WRN: variants seen among roughly 807,000 people sequenced by gnomAD.
The protein encoded by WRN is WRN RecQ like helicase, also known as bifunctional 3'-5' exonuclease/ATP-dependent helicase WRN.
WRN carries 149 observed loss-of-function variants against 180.7 expected under a neutral mutation model. That is an observed-to-expected ratio of 0.82 (90% CI 0.72 to 0.94). The LOEUF is 0.94. Among genes scored for constraint, WRN ranks in the 40% least tolerant of loss-of-function variants. The probability of loss-of-function intolerance (pLI) is 0.00; values close to 1 mark genes in which losing one functional copy is unlikely to be tolerated. For synonymous variants in WRN, 548 were observed against 568.9 expected (o/e 0.96, Z 0.52); for missense variants, 1,661 against 1,700.1 (o/e 0.98, Z 0.40).
At chr8:31,110,277 TTGCTAGGCAGGCACTGTAAA>T (rs1801260859) in intron 18 of WRN, among the ~76,000 whole-genome samples, 2 of 152,160 alleles carry the variant, frequency 1.3e-5, no homozygotes, top group Admixed American at 1.3e-4. Flanking sequence ...CATCTTTAAG[TTGCTAGGCAGGCACTGTAAA>T]TTCAGAGAAC....
At chr8:31,081,663 C>T (rs1175779049) in intron 9 of WRN, among the ~76,000 whole-genome samples, 3 of 152,060 alleles carry the variant, frequency 2.0e-5, no homozygotes, top group Non-Finnish European at 2.9e-5. Context: ...TAATAGATGT[C>T]TCTGCTTTTT....
intron 32 of WRN, among the ~76,000 whole-genome samples, chr8:31,155,733 A>G (rs549779066): frequency 1.4e-4 from 21 of 151,776 alleles, no homozygotes; most frequent in Middle Eastern, 3.5e-3. Flanking sequence ...TTTTAATGGG[A>G]TGGGACAAAA....
chr8:31,112,973 A>G (rs1009971063), intron 19 of WRN, among the ~76,000 whole-genome samples: 3 of 151,848 alleles, frequency 2.0e-5, no homozygotes, highest in African/African-American at 7.3e-5. Flanking sequence ...TGGGAGGCAG[A>G]CGTTGGAGAA....
chr8:31,132,315 A>T, intron 23 of WRN, 50 bp from the exon 24 acceptor site: 1 of 1,588,376 alleles, frequency 6.3e-7, no homozygotes, highest in Non-Finnish European at 8.6e-7. Flanking sequence ...TGATTTCTAA[A>T]GATACATGCC....
At chr8:31,141,365 G>C (rs1802620266) in intron 24 of WRN, 65 bp from the exon 25 acceptor site, 2 of 1,401,120 alleles carry the variant, frequency 1.4e-6, no homozygotes, top group Admixed American at 3.6e-5. Flanking sequence ...AGACAAGTCT[G>C]TGTTTTACTT....
intron 28 of WRN, among the ~76,000 whole-genome samples, chr8:31,145,627 CT>C (rs891435443): frequency 9.2e-5 from 14 of 152,094 alleles, no homozygotes; most frequent in Admixed American, 9.2e-4. Context: ...GTAAATTAAC[CT>C]TTTAAGTATT....
In WRN at chr8:31,167,355, C is replaced by T. The variant is rs76319024; in HGVS notation, c.4191+125C>T. 18 of 814,868 alleles carry T rather than the reference C, an allele frequency of 2.2e-5. No homozygotes were observed. In the African/African-American group the frequency reaches 2.8e-4, roughly 13 times the overall value. The allele number at this position is 814,868 out of a possible 1,614,324, so 50.5% of individuals were successfully genotyped here. ...ATATGATTACTTTCTCTATGTGCTA[C>T]ATTTCCTTTGCTTTTCATAAATATG... On this transcript the variant is annotated intron_variant, in intron 34 of 34. Transcript: ENST00000298139.
rs756050193 is a variant in WRN, at chr8:31,067,141, C to G, written c.613C>G (p.Leu205Val). Residue 205 changes from leucine (L) to valine (V), a missense_variant, in exon 6 of 35, where the codon CTC (leucine) becomes GTC (valine). By Grantham distance (32) the Leu-to-Val change is conservative. Transcript: ENST00000298139. ...CTGTAGCAATTGGAGTAAATTTCCT[C>G]TCACTGAGGACCAGAAACTGTATGC... ...IRCSNWSKFP[L>V]TEDQKLYAAT... The G allele has an allele frequency of 1.4e-5, 23 of 1,613,774 alleles. No homozygotes were observed. Among genetic ancestry groups the G allele is most frequent in the Non-Finnish European group, 1.9e-5 (23 of 1,179,970 alleles).
intron 23 of WRN, among the ~76,000 whole-genome samples, chr8:31,130,008 AAAAAAACAAAACAAAAC>A (rs1208815086): frequency 6.4e-4 from 72 of 112,682 alleles, no homozygotes; most frequent in African/African-American, 2.3e-3. Context: ...TTGTCTCAAA[AAAAAAACAAAACAAAAC>A]AAAAAAAAAA....
At chr8:31,164,230 A>T (rs1231893534) in intron 33 of WRN, among the ~76,000 whole-genome samples, 2 of 152,154 alleles carry the variant, frequency 1.3e-5, no homozygotes, top group African/African-American at 4.8e-5. Context: ...TTTTCTTTAT[A>T]AAATACTTTT....
At chr8:31,129,006 T>C (rs1353785302) in intron 23 of WRN, among the ~76,000 whole-genome samples, 1 of 152,198 alleles carries the variant, frequency 6.6e-6, no homozygotes, top group East Asian at 1.9e-4. Context: ...ATAGGGTCAC[T>C]ACAGGCTGTC....
intron 30 of WRN, among the ~76,000 whole-genome samples, chr8:31,148,012 C>T (rs1455626799): frequency 1.3e-5 from 2 of 151,732 alleles, no homozygotes; most frequent in African/African-American, 2.4e-5. Context: ...CTCAGCCTCC[C>T]GAGTAGCTGG....
At chr8:31,158,079 C>T (rs1406035198) in intron 33 of WRN, among the ~76,000 whole-genome samples, 1 of 152,116 alleles carries the variant, frequency 6.6e-6, no homozygotes, top group Non-Finnish European at 1.5e-5. Flanking sequence ...TACAACTTCC[C>T]CACCATCCAA....
At chr8:31,135,831 CT>C (rs1802377768) in intron 24 of WRN, among the ~76,000 whole-genome samples, 1 of 144,206 alleles carries the variant, frequency 6.9e-6, no homozygotes, top group Non-Finnish European at 1.5e-5. Flanking sequence ...TCTTCTTTTT[CT>C]TTTTTCTTTT....
intron 21 of WRN, among the ~76,000 whole-genome samples, chr8:31,123,545 G>C (rs1304045721): frequency 1.3e-5 from 2 of 151,998 alleles, no homozygotes; most frequent in South Asian, 4.1e-4. Flanking sequence ...TTTGAATAAC[G>C]GATCATTTGT....
chr8:31,101,180 A>C (rs901247067), intron 18 of WRN, among the ~76,000 whole-genome samples: 2 of 152,202 alleles, frequency 1.3e-5, no homozygotes, highest in African/African-American at 4.8e-5. Flanking sequence ...GATAATAAAT[A>C]TTTCAAGCTT....
At chr8:31,098,728 C>T (rs535724410) in intron 17 of WRN, among the ~76,000 whole-genome samples, 1 of 152,252 alleles carries the variant, frequency 6.6e-6, no homozygotes, top group South Asian at 2.1e-4. Context: ...GGATTTTTAA[C>T]AGAAACAGCA....
intron 31 of WRN, among the ~76,000 whole-genome samples, chr8:31,153,486 G>C (rs1803223685): frequency 6.6e-6 from 1 of 151,900 alleles, no homozygotes; most frequent in Admixed American, 6.6e-5. Context: ...GTAACACCTG[G>C]GACTGTTTTA....
At chr8:31,120,528 A>G in intron 21 of WRN, 104 bp downstream of exon 21, 1 of 1,019,312 alleles carries the variant, frequency 9.8e-7, no homozygotes, top group Non-Finnish European at 1.4e-6. Flanking sequence ...GTAATTTGTG[A>G]GTGCATTTAA....
Sources: allele counts gnomAD v4.1 joint callset (sites outside exome capture counted in the v4.1 genomes callset), GRCh38; gene constraint gnomAD v4.1.1; transcripts MANE v1.5; gene names NCBI Gene and HGNC (gene_info 2026-07-23, HGNC 2026-07-21).